The following PCDH15 variants were observed in gnomAD, a reference collection of about 807,000 sequenced individuals.
PCDH15 encodes protocadherin-15.
Under a neutral mutation model 178.5 loss-of-function variants are expected in PCDH15, and 129 were observed. The ratio of observed to expected loss-of-function variants is 0.72; its 90% confidence interval spans 0.63 to 0.84. The LOEUF is 0.84. Among genes scored for constraint, PCDH15 ranks in the 40% least tolerant of loss-of-function variants. The pLI, the probability that PCDH15 is intolerant of heterozygous loss-of-function variation, is 0.00. For missense variants in PCDH15, 2,230 were observed against 2,099.9 expected, an observed-to-expected ratio of 1.06 and a Z score of -1.21; for synonymous variants, 800 against 732.0, an observed-to-expected ratio of 1.09 and a Z score of -1.50.
intron 7 of PCDH15, among the ~76,000 whole-genome samples, chr10:54,327,737 T>C (rs1938473819): frequency 6.6e-6 from 1 of 152,002 alleles, no homozygotes; most frequent in East Asian, 1.9e-4. Flanking sequence ...CTGCTATCTA[T>C]CTGTTCTGCT....
chr10:55,621,763 G>C (rs1431211709), intron 2 of PCDH15, among the ~76,000 whole-genome samples: 1 of 151,538 alleles, frequency 6.6e-6, no homozygotes, highest in Non-Finnish European at 1.5e-5. Flanking sequence ...CAAAAAGTTT[G>C]AGGACTGCTG....
chr10:55,253,333 C>A lies in PCDH15; in HGVS notation c.-156+66266G>T, dbSNP rs549820458. Among the ~76,000 whole-genome samples, 101 of 151,984 alleles carry A rather than the reference C, an allele frequency of 6.6e-4. 2 individuals are homozygous for A. In the South Asian group the frequency reaches 0.02, roughly 30 times the overall value. On this transcript the variant is annotated intron_variant, in intron 1 of 5. Coordinates refer to the PCDH15 transcript ENST00000458638. ...ATTTAGTAGAAAAACATATTTCTTT[C>A]TTTTCTAAAAAGCTGAGCTGGACAA...
chr10:54,856,947 C>T (rs1421217656), intron 3 of PCDH15, among the ~76,000 whole-genome samples: 1 of 151,832 alleles, frequency 6.6e-6, no homozygotes, highest in Non-Finnish European at 1.5e-5. Context: ...TAATTTTGTG[C>T]TGTTTTGTTT....
chr10:55,275,928 T>A (rs1052305102), intron 1 of PCDH15, among the ~76,000 whole-genome samples: 6 of 151,472 alleles, frequency 4.0e-5, no homozygotes, highest in Non-Finnish European at 8.9e-5. Flanking sequence ...ATTTAGCTCT[T>A]CTTCAGGTAT....
At position 54,378,888 on chromosome 10, in the gene PCDH15, G is replaced by T. The variant is rs1948826249; in HGVS notation, c.212C>A (p.Pro71His). 1.9e-6 allele frequency: 3 copies of T among 1,613,770 alleles called. No individual in the cohort carries two copies. The highest frequency in any genetic ancestry group is 2.5e-6 in the Non-Finnish European group (3 of 1,179,828). The change falls in exon 4 of 38, where the codon CCC becomes CAC. Residue 71 changes from proline (P) to histidine (H), a missense_variant. By Grantham distance (77) the Pro-to-His change is moderately conservative. Coordinates refer to ENST00000644397, the MANE Select transcript of PCDH15 (RefSeq NM_001384140.1). The part of the protein sequence containing the change: ...LIKGTAGGPD[P>H]TIELSLKDNV... ...ATCCTTTAAAGAAAGTTCTATGGTG[G>T]GGTCTGGTCCTCCAGCAGTCCCTTT...
chr10:53,814,301 T>A (rs1411457188), intron 35 of PCDH15, among the ~76,000 whole-genome samples: 1 of 152,142 alleles, frequency 6.6e-6, no homozygotes, highest in African/African-American at 2.4e-5. Flanking sequence ...AAACACGAAA[T>A]AAAAATTTCA....
At chr10:55,183,080 G>A (rs1163293580) in intron 1 of PCDH15, among the ~76,000 whole-genome samples, 1 of 151,778 alleles carries the variant, frequency 6.6e-6, no homozygotes, top group Non-Finnish European at 1.5e-5. Flanking sequence ...TATAGATATG[G>A]TATATATTTA....
intron 14 of PCDH15, among the ~76,000 whole-genome samples, chr10:54,138,697 T>TA (rs2043107603): frequency 6.6e-6 from 1 of 152,112 alleles, no homozygotes; most frequent in Admixed American, 6.6e-5. Flanking sequence ...GTTTAGCCTT[T>TA]AAAAAGCAAA....
chr10:54,449,619 T>A (rs2076344963), intron 3 of PCDH15, among the ~76,000 whole-genome samples: 1 of 151,870 alleles, frequency 6.6e-6, no homozygotes, highest in African/African-American at 2.4e-5. Context: ...AGAAAGATTC[T>A]AATAACAAGA....
At chr10:54,958,858 C>T (rs1838565622) in intron 2 of PCDH15, among the ~76,000 whole-genome samples, 4 of 151,838 alleles carry the variant, frequency 2.6e-5, no homozygotes, top group Admixed American at 1.3e-4. Flanking sequence ...CCCCAACATG[C>T]ATATTAAAAT....
chr10:54,506,746 T>C (rs965387984), intron 3 of PCDH15, among the ~76,000 whole-genome samples: 5 of 152,002 alleles, frequency 3.3e-5, no homozygotes, highest in Non-Finnish European at 7.4e-5. Context: ...AAGCCAATTA[T>C]TAACTCATTA....
chr10:54,951,936 A>G lies in PCDH15; in HGVS notation c.-79-54436T>C, dbSNP rs139826826. Among the ~76,000 whole-genome samples the G allele has an allele frequency of 7.5e-3, 1,145 of 151,888 alleles. 16 individuals are homozygous for G. Among genetic ancestry groups the G allele is most frequent in the African/African-American group, 0.026 (1,090 of 41,492 alleles). ...CCTTAATAATTATTTATATATTTGG[A>G]ATCCAATACCTCTATCAGATAATTA... On this transcript the variant is annotated intron_variant, in intron 2 of 5. Coordinates refer to the PCDH15 transcript ENST00000458638.
At chr10:54,869,747 C>G (rs1954002308) in intron 3 of PCDH15, among the ~76,000 whole-genome samples, 1 of 152,168 alleles carries the variant, frequency 6.6e-6, no homozygotes, top group Admixed American at 6.6e-5. Flanking sequence ...GATAATGACT[C>G]TACAAGAGTG....
At chr10:54,875,182 G>T (rs1840339) in intron 3 of PCDH15, among the ~76,000 whole-genome samples, 111,246 of 152,088 alleles carry the variant, frequency 0.73, 41,105 homozygotes, top group East Asian at 0.88. Context: ...TGATCATTGT[G>T]ATTACATGTG....
At chr10:54,190,938 A>G (rs1360299729) in intron 11 of PCDH15, among the ~76,000 whole-genome samples, 1 of 152,238 alleles carries the variant, frequency 6.6e-6, no homozygotes, top group African/African-American at 2.4e-5. Context: ...CAAATGGAAG[A>G]TTTAAGGAAT....
At chr10:54,342,621 A>G (rs2795925) in intron 6 of PCDH15, among the ~76,000 whole-genome samples, 49,612 of 152,026 alleles carry the variant, frequency 0.33, 9,149 homozygotes, top group African/African-American at 0.51. Flanking sequence ...AAAGAGTCCC[A>G]CTGTCTCCTC....
intron 2 of PCDH15, among the ~76,000 whole-genome samples, chr10:54,651,974 CAA>C (rs11358827): frequency 5.2e-5 from 7 of 134,776 alleles, no homozygotes; most frequent in Non-Finnish European, 6.4e-5. Context: ...ATTTCAATGA[CAA>C]AAAAAAAAAA....
At position 55,375,790 on chromosome 10, in the gene PCDH15, C is replaced by T. The variant is rs548280214; in HGVS notation, c.-155-209139G>A. ...TTACTTCCTACCTAATTAACACTTT[C>T]TCTTTAGCATTTGCTCTTGGGAATT... is the stretch of plus-strand genomic sequence containing the variant. On this transcript the variant is annotated intron_variant, in intron 2 of 5. Transcript: ENST00000613346. Among the ~76,000 whole-genome samples, 289 of 151,976 alleles carry T rather than the reference C, an allele frequency of 1.9e-3. 1 individual carries two copies. Among genetic ancestry groups the T allele is most frequent in the African/African-American group, 5.4e-3 (223 of 41,494 alleles).
At chr10:55,067,684 T>A (rs1164204789) in intron 2 of PCDH15, among the ~76,000 whole-genome samples, 1 of 151,772 alleles carries the variant, frequency 6.6e-6, no homozygotes, top group East Asian at 1.9e-4. Context: ...CTATGGTGGT[T>A]GTACTAATTT....
Sources: allele counts gnomAD v4.1 joint callset (sites outside exome capture counted in the v4.1 genomes callset), GRCh38; gene constraint gnomAD v4.1.1; transcripts MANE v1.5; gene names NCBI Gene and HGNC (gene_info 2026-07-23, HGNC 2026-07-21).